The following TRANK1 variants were observed in gnomAD, a reference collection of about 807,000 sequenced individuals.
TRANK1 encodes the protein TPR and ankyrin repeat-containing protein 1.
In TRANK1, 198 loss-of-function variants were observed where a neutral mutation model predicts 266.0. That is an observed-to-expected ratio of 0.74 (90% confidence interval 0.66 to 0.84). The LOEUF (loss-of-function observed/expected upper bound fraction) is 0.84, where lower values mean the gene tolerates loss of function less well. TRANK1 is among the 40% of genes least tolerant of loss of function. TRANK1 has a pLI of 0.00. For missense variants in TRANK1, 3,326 were observed against 3,634.6 expected (o/e 0.92, Z 2.18); for synonymous variants, 1,396 against 1,384.1 (o/e 1.01, Z -0.19).
intron 1 of TRANK1, among the ~76,000 whole-genome samples, chr3:36,909,968 C>G (rs1263243157): frequency 6.6e-6 from 1 of 152,184 alleles, no homozygotes; most frequent in African/African-American, 2.4e-5. Context: ...CAAATATTGT[C>G]GGCCATTTGT....
intron 9 of TRANK1, among the ~76,000 whole-genome samples, chr3:36,865,248 G>C (rs2079199615): frequency 6.6e-6 from 1 of 151,976 alleles, no homozygotes; most frequent in Non-Finnish European, 1.5e-5. Context: ...GGCTGGTCTT[G>C]AACTCCTGAC....
At position 36,915,614 on chromosome 3, in the gene TRANK1, C is replaced by G. The variant is rs571189177; in HGVS notation, c.24-7160G>C. On this transcript the variant is annotated intron_variant, in intron 1 of 23. Coordinates refer to ENST00000645898, the MANE Select transcript of TRANK1 (RefSeq NM_001329998.2). ...CAGGAGTCTGATGGTGAAAGGATGG[C>G]CACTATCCCCACCTTCCAGAAGTTT... Among the ~76,000 whole-genome samples, 12 of 152,220 alleles carry G rather than the reference C, an allele frequency of 7.9e-5. No individual in the cohort carries two copies. In the South Asian group the frequency reaches 1.9e-3, roughly 24 times the overall value.
intron 8 of TRANK1, among the ~76,000 whole-genome samples, 151 bp from the exon 9 acceptor site, chr3:36,874,447 G>A (rs1280645456): frequency 1.3e-5 from 2 of 152,064 alleles, no homozygotes; most frequent in East Asian, 3.9e-4. Flanking sequence ...CTAGCCTCAG[G>A]TAGTCCACTC....
intron 1 of TRANK1, among the ~76,000 whole-genome samples, chr3:36,918,556 A>AGGT (rs2080165687): frequency 2.4e-5 from 1 of 42,048 alleles, no homozygotes; most frequent in African/African-American, 8.3e-5. Context: ...GGAAGGAAGG[A>AGGT]AGGAAGGTAG....
intron 10 of TRANK1, 49 bp downstream of exon 10, chr3:36,864,270 A>G: frequency 6.9e-7 from 1 of 1,444,700 alleles, no homozygotes; most frequent in South Asian, 1.4e-5. Context: ...AAGAATTTTA[A>G]TGAACATAAA....
chr3:36,847,422 G>A (rs886403510), intron 15 of TRANK1, 76 bp from the exon 16 acceptor site: 17 of 1,532,780 alleles, frequency 1.1e-5, no homozygotes, highest in Non-Finnish European at 1.5e-5. Flanking sequence ...GAGCTTCATG[G>A]AAAACTAAGC....
chr3:36,835,495 T>A (rs1306410691), intron 20 of TRANK1, among the ~76,000 whole-genome samples: 3 of 152,118 alleles, frequency 2.0e-5, no homozygotes, highest in Non-Finnish European at 4.4e-5. Context: ...TGTGAGAATA[T>A]CTTTGTGACC....
rs1287865768 is a variant in TRANK1, at chr3:36,856,140, A to T, written c.3582T>A (p.Phe1194Leu). 1 of 1,613,962 alleles carries T rather than the reference A, an allele frequency of 6.2e-7. No homozygotes were observed. Among genetic ancestry groups the T allele is most frequent in the Non-Finnish European group, 8.5e-7 (1 of 1,179,884 alleles). The change falls in exon 13 of 24, where the codon TTT becomes TTA. Residue 1194 changes from phenylalanine (F) to leucine (L), a missense_variant. By Grantham distance (22) the Phe-to-Leu change is conservative (BLOSUM62 0). Transcript: ENST00000645898. Reference sequence around the variant, plus strand: ...GGCACAGCACATGGTTCTTGGTCACAAAGATCTGATGTAAATGCTCCAGCT... The same window carrying T: ...GGCACAGCACATGGTTCTTGGTCACTAAGATCTGATGTAAATGCTCCAGCT... ...PHQLEHLHQI[F>L]VTKNHVLCQE... is the part of the protein sequence containing the mutation.
At chr3:36,918,499 GAAAGAAA>G (rs1559473088) in intron 1 of TRANK1, among the ~76,000 whole-genome samples, 11 of 28,566 alleles carry the variant, frequency 3.9e-4, no homozygotes, top group African/African-American at 1.7e-3. Context: ...AAGAAAGAAA[GAAAGAAA>G]GAAAGAAAGA....
At chr3:36,877,797 T>C (rs2079411063) in intron 8 of TRANK1, among the ~76,000 whole-genome samples, 1 of 152,256 alleles carries the variant, frequency 6.6e-6, no homozygotes, top group Non-Finnish European at 1.5e-5. Flanking sequence ...TTTTATCACA[T>C]TCTTTGAAAG....
At position 36,828,160 on chromosome 3, in the gene TRANK1, C is replaced by G; in HGVS notation, c.*115G>C. On this transcript the variant is annotated 3_prime_UTR_variant, in exon 24 of 24. Coordinates refer to ENST00000645898, the MANE Select transcript of TRANK1 (RefSeq NM_001329998.2). The stretch of plus-strand genomic sequence containing the variant: ...AATAAAAAGCAATGGTGTTGTTAGA[C>G]TCCCCTATTTTTAAAATGCTAATTC... The G allele has an allele frequency of 1.4e-6, 1 of 735,634 alleles. No homozygotes were observed. The highest frequency in any genetic ancestry group is 2.3e-6 in the Non-Finnish European group (1 of 435,054). 45.6% of individuals were successfully genotyped at this position (735,634 alleles called of 1,614,324 possible).
chr3:36,855,354 G>T lies in TRANK1; in HGVS notation c.4368C>A (p.Asp1456Glu). 1.2e-6 allele frequency: 2 copies of T among 1,614,034 alleles called. No individual in the cohort carries two copies. Among genetic ancestry groups the T allele is most frequent in the Non-Finnish European group, 1.7e-6 (2 of 1,179,886 alleles). ...ELALLMKCINDPNSMFLTGDT... is the reference protein window; with the variant it reads ...ELALLMKCINEPNSMFLTGDT... ...CCCCCGTGAGGAACATAGAGTTGGGGTCATTGATGCATTTCATCAGCAGCG... is the reference window on the plus strand; with the variant it reads ...CCCCCGTGAGGAACATAGAGTTGGGTTCATTGATGCATTTCATCAGCAGCG... Residue 1456 changes from aspartate (D) to glutamate (E), a missense_variant, in exon 13 of 24, where the codon GAC becomes GAA. Asp to Glu is a conservative substitution (Grantham distance 45, BLOSUM62 2). Transcript: ENST00000645898.
At chr3:36,886,650 T>C (rs759252345) in intron 8 of TRANK1, among the ~76,000 whole-genome samples, 7 of 152,000 alleles carry the variant, frequency 4.6e-5, no homozygotes, top group Non-Finnish European at 7.4e-5. Flanking sequence ...CGGTGGCTCA[T>C]GCCTGTAATC....
chr3:36,943,997 G>C (rs200764216), intron 1 of TRANK1, among the ~76,000 whole-genome samples: 1 of 152,200 alleles, frequency 6.6e-6, no homozygotes, highest in East Asian at 1.9e-4. Flanking sequence ...GGCTTGAGCT[G>C]CACCTCAAAG....
chr3:36,852,661 T>C (rs1416114918), intron 13 of TRANK1, among the ~76,000 whole-genome samples: 2 of 150,566 alleles, frequency 1.3e-5, no homozygotes, highest in Admixed American at 6.7e-5. Flanking sequence ...CAATGAGACC[T>C]CAGGAGGCTG....
chr3:36,827,083 C>T lies in TRANK1; in HGVS notation c.*1192G>A, dbSNP rs1003367331. ...TGAGGACAGAACAATCAAAGACCAACGTGCACCTTGCTTTCCATACCAGGC... is the reference window on the plus strand; with the variant it reads ...TGAGGACAGAACAATCAAAGACCAATGTGCACCTTGCTTTCCATACCAGGC... On this transcript the variant is annotated 3_prime_UTR_variant, in exon 24 of 24. Transcript: ENST00000645898. 10 of 150,198 alleles carry T rather than the reference C, an allele frequency of 6.7e-5. No individual in the cohort carries two copies. The highest frequency in any genetic ancestry group is 1.3e-4 in the Non-Finnish European group (9 of 67,488). 9.3% of individuals were successfully genotyped at this position (150,198 alleles called of 1,614,324 possible).
At chr3:36,917,530 G>A (rs926744327) in intron 1 of TRANK1, among the ~76,000 whole-genome samples, 6 of 152,130 alleles carry the variant, frequency 3.9e-5, no homozygotes, top group African/African-American at 1.4e-4. Flanking sequence ...AGATCAAGAG[G>A]TGAACTTCTT....
rs574123176 is a variant in TRANK1, at chr3:36,922,561, T to C, written c.24-14107A>G. On this transcript the variant is annotated intron_variant, in intron 1 of 23. Coordinates refer to ENST00000645898, the MANE Select transcript of TRANK1 (RefSeq NM_001329998.2). Reference sequence around the variant, plus strand: ...TGGAGGTTGCAGTGAGCCGAGATCATGCCACTGCACTGTAGCCTGGGTGAA... The same window carrying C: ...TGGAGGTTGCAGTGAGCCGAGATCACGCCACTGCACTGTAGCCTGGGTGAA... Among the ~76,000 whole-genome samples the C allele has an allele frequency of 2.0e-5, 3 of 151,238 alleles. No individual in the cohort carries two copies. In the East Asian group the frequency reaches 5.9e-4, roughly 30 times the overall value.
chr3:36,838,768 A>G, intron 18 of TRANK1, 52 bp from the exon 19 acceptor site: 10 of 1,543,222 alleles, frequency 6.5e-6, no homozygotes. Context: ...GGTAACAGAC[A>G]GAACAACGGT....
Sources: gnomAD v4.1 joint callset for allele counts (sites outside exome capture counted in the v4.1 genomes callset) on GRCh38, gnomAD v4.1.1 for gene constraint, MANE v1.5 for transcripts, NCBI Gene and HGNC (gene_info 2026-07-23, HGNC 2026-07-21) for gene names.